LOXHD1: variants seen among roughly 807,000 people sequenced by gnomAD.
LOXHD1 encodes lipoxygenase homology PLAT domains 1.
LOXHD1 carries 205 observed loss-of-function variants against 248.2 expected under a neutral mutation model. The observed-to-expected ratio is 0.83, with a 90% confidence interval of 0.74 to 0.93. LOXHD1 has a LOEUF of 0.93. Ranked by LOEUF, LOXHD1 falls within the 40% of genes least tolerant of loss-of-function variation. The probability of loss-of-function intolerance (pLI) is 0.00; values close to 1 mark genes in which losing one functional copy is unlikely to be tolerated. For synonymous variants in LOXHD1, 1,113 were observed against 1,162.8 expected (o/e 0.96, Z 0.87); for missense variants, 2,930 against 2,971.6 (o/e 0.99, Z 0.33).
At chr18:46,564,440 G>C (rs948694111) in intron 17 of LOXHD1, among the ~76,000 whole-genome samples, 1 of 152,120 alleles carries the variant, frequency 6.6e-6, no homozygotes, top group African/African-American at 2.4e-5. Flanking sequence ...GCTGAGGCAG[G>C]GGGATCGCTC....
At chr18:46,601,089 A>T (rs569666198) in intron 8 of LOXHD1, 128 bp downstream of exon 8, 2 of 1,271,522 alleles carry the variant, frequency 1.6e-6, no homozygotes, top group Non-Finnish European at 2.1e-6. Context: ...AAAATGCCCA[A>T]TGAAAGAGAT....
intron 18 of LOXHD1, among the ~76,000 whole-genome samples, chr18:46,562,091 T>G (rs1021084290): frequency 3.3e-5 from 5 of 152,212 alleles, no homozygotes; most frequent in African/African-American, 7.2e-5. Context: ...CGGGCAGGTA[T>G]TATAAAGCTA....
chr18:46,594,701 T>C (rs555303847), intron 8 of LOXHD1, among the ~76,000 whole-genome samples: 15 of 152,232 alleles, frequency 9.9e-5, no homozygotes, highest in Non-Finnish European at 2.2e-4. Context: ...TCTCAAACTT[T>C]TCCTCTATAC....
At chr18:46,624,602 G>C (rs1455638856) in intron 4 of LOXHD1, among the ~76,000 whole-genome samples, 1 of 152,080 alleles carries the variant, frequency 6.6e-6, no homozygotes, top group East Asian at 1.9e-4. Context: ...TCTCAGCCAG[G>C]CTCTCGTCTA....
At chr18:46,495,821 T>C (rs2033827864) in intron 37 of LOXHD1, among the ~76,000 whole-genome samples, 1 of 152,166 alleles carries the variant, frequency 6.6e-6, no homozygotes, top group African/African-American at 2.4e-5. Context: ...AAACTGTTCA[T>C]TTTAAAAAGA....
At chr18:46,504,469 T>C (rs564189179) in intron 37 of LOXHD1, among the ~76,000 whole-genome samples, 1 of 152,196 alleles carries the variant, frequency 6.6e-6, no homozygotes, top group Non-Finnish European at 1.5e-5. Context: ...CCCAGGCATG[T>C]CATGAATACT....
At chr18:46,566,672 C>T (rs1307028676) in intron 16 of LOXHD1, among the ~76,000 whole-genome samples, 1 of 152,214 alleles carries the variant, frequency 6.6e-6, no homozygotes, top group Admixed American at 6.5e-5. Flanking sequence ...TTCCCTTCTC[C>T]TAAGCCCAGC....
rs114739589 is a variant in LOXHD1, at chr18:46,539,854, C to T, written c.3914-1517G>A. On this transcript the variant is annotated intron_variant, in intron 25 of 40. Transcript: ENST00000642948. Reference sequence around the variant, plus strand: ...GAGAAACAGTTCAAGTGGATGTCTACTCTATCCTGTAGTCTTGGCCCTTGA... The same window carrying T: ...GAGAAACAGTTCAAGTGGATGTCTATTCTATCCTGTAGTCTTGGCCCTTGA... Among the ~76,000 whole-genome samples, 658 of 152,296 alleles carry T rather than the reference C, an allele frequency of 4.3e-3. 5 individuals carry two copies. Among genetic ancestry groups the T allele is most frequent in the African/African-American group, 0.015 (622 of 41,570 alleles).
chr18:46,518,002 G>T, intron 34 of LOXHD1, 127 bp downstream of exon 34: 1 of 1,173,500 alleles, frequency 8.5e-7, no homozygotes, highest in Non-Finnish European at 1.2e-6. Context: ...AATAGACAAA[G>T]GCAGAGGAAG....
chr18:46,587,008 A>G (rs908883077), intron 12 of LOXHD1, among the ~76,000 whole-genome samples: 1 of 152,220 alleles, frequency 6.6e-6, no homozygotes, highest in African/African-American at 2.4e-5. Context: ...CTGATTGTAC[A>G]TAGAGGCCTG....
intron 26 of LOXHD1, among the ~76,000 whole-genome samples, chr18:46,536,756 GTGCTGAC>G (rs1431872060): frequency 6.6e-6 from 1 of 152,206 alleles, no homozygotes; most frequent in African/African-American, 2.4e-5. Flanking sequence ...CTTCCCACAA[GTGCTGAC>G]TGCTCCAGAG....
At chr18:46,624,549 A>G (rs1297091855) in intron 4 of LOXHD1, among the ~76,000 whole-genome samples, 1 of 152,128 alleles carries the variant, frequency 6.6e-6, no homozygotes, top group Admixed American at 6.5e-5. Flanking sequence ...TGCTACCCCC[A>G]AAAGGTTTCC....
At chr18:46,523,928 A>G (rs2035701796) in intron 31 of LOXHD1, among the ~76,000 whole-genome samples, 1 of 152,124 alleles carries the variant, frequency 6.6e-6, no homozygotes, top group South Asian at 2.1e-4. Context: ...TGACTATGAA[A>G]GTAGTGCATT....
chr18:46,535,393 C>T (rs9947183), intron 26 of LOXHD1, among the ~76,000 whole-genome samples: 27,736 of 151,456 alleles, frequency 0.18, 2,734 homozygotes, highest in African/African-American at 0.24. Context: ...TGAAAGTCCC[C>T]TGAAAAAAAA....
intron 25 of LOXHD1, among the ~76,000 whole-genome samples, chr18:46,539,009 A>C (rs543522746): frequency 2.9e-4 from 44 of 152,294 alleles, no homozygotes; most frequent in African/African-American, 1.0e-3. Context: ...TATTGGTCCC[A>C]CCAGGGACTA....
At chr18:46,601,696 A>C in intron 7 of LOXHD1, 1 of 542,366 alleles carries the variant, frequency 1.8e-6, no homozygotes, top group Non-Finnish European at 3.3e-6. Context: ...AATAAACCGC[A>C]CGTATTATTA....
At position 46,537,755 on chromosome 18, in the gene LOXHD1, C is replaced by T. The variant is rs62097066; in HGVS notation, c.4095+401G>A. On this transcript the variant is annotated intron_variant, in intron 26 of 40. Transcript: ENST00000642948. ...TGAGAGCTGAGCAGGAGACCCTAGC[C>T]CATGACCACTGGTGGTGGGATTTCC... is the stretch of plus-strand genomic sequence containing the variant. Among the ~76,000 whole-genome samples, 669 of 152,312 alleles carry T rather than the reference C, an allele frequency of 4.4e-3. 1 individual carries two copies. Among genetic ancestry groups the T allele is most frequent in the Middle Eastern group, 0.01 (3 of 294 alleles).
At chr18:46,485,980 C>T (rs377008088) in intron 38 of LOXHD1, among the ~76,000 whole-genome samples, 231 of 152,114 alleles carry the variant, frequency 1.5e-3, no homozygotes, top group African/African-American at 5.1e-3. Flanking sequence ...CCTCTCCCTC[C>T]CCCACCCATA....
Position 46,566,317 on chromosome 18 carries a change from G to A in LOXHD1, c.2377C>T (p.Gln793Ter). 6.4e-7 allele frequency: 1 copy of A among 1,551,914 alleles called. No individual in the cohort carries two copies. The highest frequency in any genetic ancestry group is 8.7e-7 in the Non-Finnish European group (1 of 1,147,026). Residue 793 changes from glutamine (Q) to a stop codon, truncating the protein, a stop_gained, in exon 17 of 41, where the codon CAG becomes TAG. Transcript: ENST00000642948. LOFTEE classifies it high-confidence loss of function. ...FPANRWLDKN[Q>*]ADGRLEVELY... is the part of the protein sequence containing the mutation. ...TCCACCTCCAGGCGCCCGTCAGCCTGGTTCTTGTCCAGCCAGCGGTTGGCG... is the reference window on the plus strand; with the variant it reads ...TCCACCTCCAGGCGCCCGTCAGCCTAGTTCTTGTCCAGCCAGCGGTTGGCG...
Sources: allele counts gnomAD v4.1 joint callset (sites outside exome capture counted in the v4.1 genomes callset), GRCh38; gene constraint gnomAD v4.1.1; transcripts MANE v1.5; gene names NCBI Gene and HGNC (gene_info 2026-07-23, HGNC 2026-07-21).